The following ERCC8 variants were observed in gnomAD, a reference collection of about 807,000 sequenced individuals.
ERCC8 encodes DNA excision repair protein ERCC-8.
A neutral mutation model predicts 54.9 loss-of-function variants in ERCC8; 52 were observed. The observed-to-expected ratio is 0.95, with a 90% CI of 0.76 to 1.19. The LOEUF (loss-of-function observed/expected upper bound fraction) is 1.19, where lower values mean the gene tolerates loss of function less well. ERCC8 is among the 50% of genes most tolerant of loss of function. The pLI is 0.00. For synonymous variants in ERCC8, 146 were observed against 157.2 expected (o/e 0.93, Z 0.53); for missense variants, 514 against 466.1 (o/e 1.10, Z -0.95).
rs1406617029 is a variant in ERCC8, at chr5:60,874,395, C to T, written c.*220G>A. 5.0e-5 allele frequency: 26 copies of T among 520,110 alleles called. No individual in the cohort carries two copies. Among genetic ancestry groups the T allele is most frequent in the Non-Finnish European group, 7.5e-5 (22 of 292,660 alleles). 32.2% of individuals were successfully genotyped at this position (520,110 alleles called of 1,614,324 possible). On this transcript the variant is annotated 3_prime_UTR_variant, in exon 12 of 12. Transcript: ENST00000676185. The stretch of plus-strand genomic sequence containing the variant: ...CTGTAGCAATGAGGGCTTTCCCAGG[C>T]CACAACATCTGGGATCAAGGAACAC...
chr5:60,936,545 AT>A (rs1197081415), intron 1 of ERCC8, among the ~76,000 whole-genome samples: 4 of 149,952 alleles, frequency 2.7e-5, no homozygotes, highest in South Asian at 2.1e-4. Flanking sequence ...GATCTTGGTT[AT>A]TTTTTTTCTT....
rs187833523 is a variant in ERCC8 at position 60,879,896 on chromosome 5, G to C, written c.1123-5213C>G. Among the ~76,000 whole-genome samples the C allele has an allele frequency of 5.9e-5, 9 of 152,326 alleles. No homozygotes were observed. The East Asian group carries it at 1.7e-3, about 29-fold the overall frequency. ...GGTTAATATTGTTATGTGTGAATTT[G>C]ATCCTGTCATGATGACATTAGCTGG... On this transcript the variant is annotated intron_variant, in intron 11 of 11. Transcript: ENST00000676185.
chr5:60,925,990 AT>A (rs1749737351), intron 2 of ERCC8, among the ~76,000 whole-genome samples: 1 of 151,658 alleles, frequency 6.6e-6, no homozygotes, highest in Admixed American at 6.6e-5. Flanking sequence ...CACCTGGCTA[AT>A]TTTTTCTATT....
chr5:60,891,871 G>T, intron 9 of ERCC8: 1 of 430,078 alleles, frequency 2.3e-6, no homozygotes, highest in South Asian at 1.9e-5. Flanking sequence ...TATTTCACTG[G>T]TAATCTCCCG....
rs1235484213 is a variant in ERCC8, at chr5:60,871,347, T to C, written c.*3268A>G. The stretch of plus-strand genomic sequence containing the variant: ...ATTTATATAAGCTGTAACTGCAAAA[T>C]ATAATTTAAAAACTTTGTATATCCC... On this transcript the variant is annotated 3_prime_UTR_variant, in exon 12 of 12. Coordinates refer to ENST00000676185, the MANE Select transcript of ERCC8 (RefSeq NM_000082.4). 6.6e-6 allele frequency among the ~76,000 whole-genome samples: 1 copy of C among 152,188 alleles called. No homozygotes were observed. Among genetic ancestry groups the C allele is most frequent in the Non-Finnish European group, 1.5e-5 (1 of 68,040 alleles).
intron 4 of ERCC8, among the ~76,000 whole-genome samples, chr5:60,905,606 C>T (rs528703906): frequency 8.9e-4 from 135 of 152,334 alleles, no homozygotes; most frequent in African/African-American, 3.1e-3. Flanking sequence ...ATATTTTAGG[C>T]TTTCAGGACC....
Position 60,898,320 on chromosome 5 carries a change from T to C in ERCC8, c.799A>G (p.Asn267Asp). ...GAACTATTCCAGAGCCTCATTCGAT[T>C]ATCTGTACCAACAGTGAGGAGGTGA... The part of the protein sequence containing the change: ...GLHLLTVGTD[N>D]RMRLWNSSNG... Residue 267 changes from asparagine to aspartate, a missense_variant, in exon 9 of 12, where the codon AAT becomes GAT. Transcript: ENST00000676185. The C allele has an allele frequency of 6.2e-7, 1 of 1,613,658 alleles. No homozygotes were observed. The highest frequency in any genetic ancestry group is 8.5e-7 in the Non-Finnish European group (1 of 1,179,640).
rs1747796348 is a variant in ERCC8 at position 60,868,393 on chromosome 5, A to G, written c.*6222T>C. Among the ~76,000 whole-genome samples the G allele has an allele frequency of 6.6e-6, 1 of 152,204 alleles. No individual in the cohort carries two copies. The highest frequency in any genetic ancestry group is 2.1e-4 in the South Asian group (1 of 4,834). ...TAGCACAAAGTTTACCAGTATCTTC[A>G]TGAGGAGTGGTCAGTCAAGAGGACA... On this transcript the variant is annotated 3_prime_UTR_variant, in exon 12 of 12. Coordinates refer to ENST00000676185, the MANE Select transcript of ERCC8 (RefSeq NM_000082.4).
chr5:60,904,963 C>A (rs1749028474), intron 4 of ERCC8, 90 bp from the exon 5 acceptor site: 5 of 658,638 alleles, frequency 7.6e-6, no homozygotes, highest in Non-Finnish European at 1.1e-5. Flanking sequence ...AAATTTTTAG[C>A]TATTTTTAAA....
intron 7 of ERCC8, among the ~76,000 whole-genome samples, chr5:60,902,033 C>T (rs1207674096): frequency 6.6e-6 from 1 of 151,998 alleles, no homozygotes; most frequent in East Asian, 1.9e-4. Context: ...CTCTGTGTCC[C>T]TAGCACAATG....
intron 9 of ERCC8, chr5:60,892,916 G>A (rs1748608134): frequency 1.3e-6 from 1 of 741,202 alleles, no homozygotes; most frequent in African/African-American, 1.7e-5. Flanking sequence ...TATGGATGTG[G>A]GTGCGCATTT....
chr5:60,902,414 C>T, intron 7 of ERCC8, 28 bp downstream of exon 7: 1 of 1,556,948 alleles, frequency 6.4e-7, no homozygotes, highest in Non-Finnish European at 8.9e-7. Context: ...TAATTACTAA[C>T]TTCAAAAGCA....
At position 60,906,730 on chromosome 5, in the gene ERCC8, AAAATAAAT is replaced by A. The variant is rs142093470; in HGVS notation, c.400-1865_400-1858del. 6.3e-3 allele frequency among the ~76,000 whole-genome samples: 947 copies of A among 149,920 alleles called. 7 individuals are homozygous for A. The highest frequency in any genetic ancestry group is 0.021 in the African/African-American group (870 of 40,640). On this transcript the variant is annotated intron_variant, in intron 4 of 11. Transcript: ENST00000676185. ...GGCAACGGAGCAAAACTCTGTCTCA[AAAATAAAT>A]AAATAAATAAATAAATAAATAAACA...
intron 1 of ERCC8, among the ~76,000 whole-genome samples, chr5:60,937,347 C>T (rs1427238958): frequency 1.3e-5 from 2 of 152,182 alleles, no homozygotes; most frequent in Admixed American, 6.5e-5. Context: ...GTGGGCAGGC[C>T]GATAGAGCTC....
Position 60,899,694 on chromosome 5 carries a change from TC to T in ERCC8, c.650del (p.Arg217LysfsTer7), listed in dbSNP as rs1561502158. The T allele has an allele frequency of 2.5e-6, 4 of 1,612,338 alleles. No individual in the cohort carries two copies. Among genetic ancestry groups the T allele is most frequent in the Middle Eastern group, 1.7e-4 (1 of 6,054 alleles). ...ADSRVKLWDV[R>X]RASGCLITLD... ...GAGTAATCAAACATCCTGATGCTCT[TC>T]TCACATCCCATAATTTTACTCTACT... On this transcript the variant is annotated frameshift_variant, in exon 8 of 12. Transcript: ENST00000676185. LOFTEE classifies it high-confidence loss of function.
At chr5:60,885,307 C>A (rs13155076) in intron 11 of ERCC8, among the ~76,000 whole-genome samples, 55,476 of 151,990 alleles carry the variant, frequency 0.36, 10,633 homozygotes, top group Middle Eastern at 0.4. Flanking sequence ...AGCCACCACA[C>A]CTGGCCACAT....
At chr5:60,887,187 AT>A (rs1340653334) in intron 11 of ERCC8, among the ~76,000 whole-genome samples, 1 of 152,154 alleles carries the variant, frequency 6.6e-6, no homozygotes, top group East Asian at 1.9e-4. Flanking sequence ...AAATAGTCAA[AT>A]TATTTTTACG....
At chr5:60,890,043 T>C (rs1236606863) in intron 10 of ERCC8, among the ~76,000 whole-genome samples, 1 of 152,048 alleles carries the variant, frequency 6.6e-6, no homozygotes. Flanking sequence ...TACCAGCCAG[T>C]AGGATATATA....
Position 60,918,265 on chromosome 5 carries a change from T to C in ERCC8, c.399A>G (p.Gln133=). 1.3e-6 allele frequency: 2 copies of C among 1,593,264 alleles called. No homozygotes were observed. Among genetic ancestry groups the C allele is most frequent in the Non-Finnish European group, 1.7e-6 (2 of 1,161,894 alleles). The change falls in exon 4 of 12, where the codon CAA becomes CAG. Residue 133 remains glutamine (Q), a splice_region_variant and synonymous_variant. Coordinates refer to ENST00000676185, the MANE Select transcript of ERCC8 (RefSeq NM_000082.4). ...TCTGCAAATGTTTTAATGTACTTACTTGTAATGTATTTGTATCCCATACTT... is the reference window on the plus strand; with the variant it reads ...TCTGCAAATGTTTTAATGTACTTACCTGTAATGTATTTGTATCCCATACTT... ...TLKVWDTNTL[Q]TADVFNFEET...
Sources: gnomAD v4.1 joint callset for allele counts (sites outside exome capture counted in the v4.1 genomes callset) on GRCh38, gnomAD v4.1.1 for gene constraint, MANE v1.5 for transcripts, NCBI Gene and HGNC (gene_info 2026-07-23, HGNC 2026-07-21) for gene names.